Variants in CAB39L observed in about 807,000 individuals in gnomAD.
The protein encoded by CAB39L is calcium-binding protein 39-like.
CAB39L carries 23 observed loss-of-function variants against 39.1 expected under a neutral mutation model. The observed-to-expected ratio is 0.59, with a 90% CI of 0.42 to 0.83. The LOEUF (loss-of-function observed/expected upper bound fraction) is 0.83, where lower values mean the gene tolerates loss of function less well. Among genes scored for constraint, CAB39L ranks in the 40% least tolerant of loss-of-function variants. The probability of loss-of-function intolerance (pLI) is 0.00; values close to 1 mark genes in which losing one functional copy is unlikely to be tolerated. For synonymous variants in CAB39L, 126 were observed against 137.2 expected, an observed-to-expected ratio of 0.92 and a Z score of 0.57; for missense variants, 366 against 391.9, an observed-to-expected ratio of 0.93 and a Z score of 0.56.
At chr13:49,383,764 T>C (rs1956296719) in intron 3 of CAB39L, among the ~76,000 whole-genome samples, 2 of 152,208 alleles carry the variant, frequency 1.3e-5, no homozygotes, top group Admixed American at 6.5e-5. Context: ...TGTATACATA[T>C]GTAACTAACT....
At chr13:49,313,475 C>T (rs1006324414) in intron 10 of CAB39L, among the ~76,000 whole-genome samples, 21 of 146,172 alleles carry the variant, frequency 1.4e-4, no homozygotes, top group South Asian at 2.1e-4. Context: ...AGTGAGACTC[C>T]GTCTCAAAAA....
chr13:49,313,117 GTCC>G (rs768955473), intron 10 of CAB39L, among the ~76,000 whole-genome samples: 2 of 152,168 alleles, frequency 1.3e-5, no homozygotes, highest in Non-Finnish European at 2.9e-5. Flanking sequence ...AACGTGAATA[GTCC>G]TCCTCTCACC....
rs183858523 is a variant in CAB39L, at chr13:49,347,202, T to G, written c.565-2964A>C. ...CAAAACTGACAGCATACTAGAAAAC[T>G]TTTTATGATTATTTAGATTTTAAAG... is the stretch of plus-strand genomic sequence containing the variant. On this transcript the variant is annotated intron_variant, in intron 7 of 10. Coordinates refer to ENST00000409308, the MANE Select transcript of CAB39L (RefSeq NM_001079670.3). 2.2e-3 allele frequency among the ~76,000 whole-genome samples: 334 copies of G among 152,316 alleles called. 2 individuals are homozygous for G. The highest frequency in any genetic ancestry group is 7.6e-3 in the African/African-American group (318 of 41,578).
Position 49,368,167 on chromosome 13 carries a change from A to C in CAB39L, c.277-8335T>G, listed in dbSNP as rs542477289. Among the ~76,000 whole-genome samples the C allele has an allele frequency of 1.9e-3, 293 of 152,374 alleles. 4 individuals carry two copies. The highest frequency in any genetic ancestry group is 0.015 in the South Asian group (74 of 4,832). On this transcript the variant is annotated intron_variant, in intron 5 of 10. Transcript: ENST00000409308. The stretch of plus-strand genomic sequence containing the variant: ...TACTTCCCAGTGAAATGTCACAAGA[A>C]CATTCCATACAGCATTCCAGTAGAA...
At chr13:49,376,009 C>T (rs1002300746) in intron 5 of CAB39L, among the ~76,000 whole-genome samples, 6 of 152,194 alleles carry the variant, frequency 3.9e-5, no homozygotes, top group Admixed American at 2.6e-4. Flanking sequence ...TCCTCTGCTT[C>T]GGCTGCTAAA....
intron 4 of CAB39L, 49 bp from the exon 5 acceptor site, chr13:49,377,180 G>A: frequency 2.7e-6 from 4 of 1,491,524 alleles, no homozygotes; most frequent in Non-Finnish European, 3.7e-6. Flanking sequence ...AAATGTTTAG[G>A]CCATAAACAA....
chr13:49,391,016 G>A (rs1195153852), intron 3 of CAB39L, among the ~76,000 whole-genome samples: 1 of 152,096 alleles, frequency 6.6e-6, no homozygotes, highest in Non-Finnish European at 1.5e-5. Context: ...GTAAACTAAT[G>A]GTTATTACAC....
At chr13:49,405,093 C>A (rs1956843412) in intron 3 of CAB39L, among the ~76,000 whole-genome samples, 1 of 152,034 alleles carries the variant, frequency 6.6e-6, no homozygotes, top group Non-Finnish European at 1.5e-5. Context: ...GAACACTAAG[C>A]AGATTTTACC....
At chr13:49,386,635 C>A (rs1229554337) in intron 3 of CAB39L, among the ~76,000 whole-genome samples, 2 of 152,078 alleles carry the variant, frequency 1.3e-5, no homozygotes, top group Admixed American at 1.3e-4. Context: ...TTCATCTTAT[C>A]ATTATTCTTC....
At chr13:49,434,597 T>A (rs1160622335) in intron 1 of CAB39L, among the ~76,000 whole-genome samples, 1 of 152,142 alleles carries the variant, frequency 6.6e-6, no homozygotes, top group East Asian at 1.9e-4. Flanking sequence ...TACTGGCTCA[T>A]CACTGTAATA....
chr13:49,416,999 T>C (rs1355130752), intron 3 of CAB39L, among the ~76,000 whole-genome samples: 1 of 152,182 alleles, frequency 6.6e-6, no homozygotes, highest in Non-Finnish European at 1.5e-5. Flanking sequence ...CTATAGTAAT[T>C]TGGTGTTTCT....
intron 1 of CAB39L, among the ~76,000 whole-genome samples, chr13:49,438,849 T>C (rs1957458320): frequency 6.6e-6 from 1 of 152,256 alleles, no homozygotes; most frequent in African/African-American, 2.4e-5. Context: ...GTTCTTGAAT[T>C]ACAGTCCTAA....
chr13:49,370,367 G>T (rs1955887509), intron 5 of CAB39L, among the ~76,000 whole-genome samples: 1 of 152,082 alleles, frequency 6.6e-6, no homozygotes, highest in Non-Finnish European at 1.5e-5. Context: ...TATTTTCTCT[G>T]CAGGCTGGCT....
At chr13:49,320,471 T>C (rs1312413139) in intron 10 of CAB39L, among the ~76,000 whole-genome samples, 1 of 152,222 alleles carries the variant, frequency 6.6e-6, no homozygotes, top group East Asian at 1.9e-4. Context: ...TTTAGAAGAC[T>C]GAAAATATTG....
chr13:49,330,242 C>A (rs189959489), intron 10 of CAB39L, among the ~76,000 whole-genome samples: 2 of 152,256 alleles, frequency 1.3e-5, no homozygotes, highest in African/African-American at 4.8e-5. Flanking sequence ...AAAGTAGTTG[C>A]GTTGGATGGG....
chr13:49,362,440 A>T (rs1176417229), intron 5 of CAB39L, among the ~76,000 whole-genome samples: 1 of 152,184 alleles, frequency 6.6e-6, no homozygotes, highest in Non-Finnish European at 1.5e-5. Flanking sequence ...AGAGTTGAAA[A>T]TGCAATTGAC....
chr13:49,440,715 AGTGTGTGTGTGT>A lies in CAB39L; in HGVS notation c.-246+3259_-246+3270del, dbSNP rs56314282. ...TCCTTGGTTAGAGGTATTCCTAGGC[AGTGTGTGTGTGT>A]GTGTGTGTGTGTGTGTGTGTGTGTG... On this transcript the variant is annotated intron_variant, in intron 1 of 10. Coordinates refer to ENST00000409308, the MANE Select transcript of CAB39L (RefSeq NM_001079670.3). Among the ~76,000 whole-genome samples the A allele has an allele frequency of 6.2e-3, 836 of 135,524 alleles. 3 individuals are homozygous for A. Among genetic ancestry groups the A allele is most frequent in the African/African-American group, 0.019 (700 of 37,364 alleles). The allele number at this position is 135,524 out of a possible 152,430, so 88.9% of individuals were successfully genotyped here. A position where few individuals can be genotyped will look rare whatever the true frequency, so the allele number is the denominator to read the frequency against.
intron 9 of CAB39L, among the ~76,000 whole-genome samples, chr13:49,333,358 T>C (rs907003072): frequency 2.0e-5 from 3 of 152,114 alleles, no homozygotes; most frequent in African/African-American, 7.2e-5. Flanking sequence ...GCTTGTTCCC[T>C]TGCTACCTCT....
At chr13:49,438,159 T>C (rs1225689310) in intron 1 of CAB39L, among the ~76,000 whole-genome samples, 1 of 152,166 alleles carries the variant, frequency 6.6e-6, no homozygotes, top group East Asian at 1.9e-4. Flanking sequence ...ATTAGTGTTC[T>C]ATCTTGCACT....
Sources: allele counts gnomAD v4.1 joint callset (sites outside exome capture counted in the v4.1 genomes callset), GRCh38; gene constraint gnomAD v4.1.1; transcripts MANE v1.5; gene names NCBI Gene and HGNC (gene_info 2026-07-23, HGNC 2026-07-21).